Variants in ROR1 observed in about 807,000 individuals in gnomAD.
ROR1 encodes the protein inactive tyrosine-protein kinase transmembrane receptor ROR1.
A neutral mutation model predicts 78.8 loss-of-function variants in ROR1; 19 were observed. That is an observed-to-expected ratio of 0.24 (90% CI 0.17 to 0.35). The LOEUF (loss-of-function observed/expected upper bound fraction) is 0.35. ROR1 is among the 10% of genes least tolerant of loss of function. The pLI is 1.00. For missense variants in ROR1, 917 were observed against 1,177.8 expected (o/e 0.78, Z 3.24); for synonymous variants, 386 against 433.6 (o/e 0.89, Z 1.36).
intron 1 of ROR1, among the ~76,000 whole-genome samples, chr1:63,898,888 T>C (rs997196096): frequency 2.6e-5 from 4 of 152,106 alleles, no homozygotes; most frequent in African/African-American, 9.7e-5. Context: ...TGCAACTTTA[T>C]GATCTGCCCA....
intron 1 of ROR1, among the ~76,000 whole-genome samples, chr1:63,797,360 C>A (rs763494877): frequency 2.0e-4 from 30 of 152,272 alleles, no homozygotes; most frequent in Admixed American, 3.3e-4. Context: ...TTCTGCTGTG[C>A]CCGATTTTGT....
In ROR1 at chr1:63,954,774, AG is replaced by A. The variant is rs1645968139; in HGVS notation, c.92-54529del. On this transcript the variant is annotated intron_variant, in intron 1 of 8. Transcript: ENST00000371079. ...TTAAAGTATATGGGAGCGTGTGCAT[AG>A]GTGATGTCCAAATAGTATGCCATTT... 2.0e-5 allele frequency among the ~76,000 whole-genome samples: 3 copies of A among 152,194 alleles called. 1 individual carries two copies. In the South Asian group the frequency reaches 6.2e-4, roughly 32 times the overall value.
At chr1:63,789,150 C>G (rs973589364) in intron 1 of ROR1, 4 of 587,118 alleles carry the variant, frequency 6.8e-6, no homozygotes, top group Non-Finnish European at 1.3e-5. Flanking sequence ...CATTGGCTTG[C>G]GGATCATCAG....
chr1:63,853,663 A>G (rs1365927090), intron 1 of ROR1, among the ~76,000 whole-genome samples: 1 of 152,224 alleles, frequency 6.6e-6, no homozygotes, highest in Non-Finnish European at 1.5e-5. Flanking sequence ...CTTCAGCAAA[A>G]TAGTCTGTAA....
intron 8 of ROR1, among the ~76,000 whole-genome samples, chr1:64,161,363 A>C (rs1256878147): frequency 6.6e-6 from 1 of 152,212 alleles, no homozygotes; most frequent in Non-Finnish European, 1.5e-5. Context: ...TTCACAGAAC[A>C]GATCAAGTTG....
intron 1 of ROR1, among the ~76,000 whole-genome samples, chr1:63,932,650 A>T (rs575317838): frequency 6.6e-5 from 10 of 152,228 alleles, no homozygotes; most frequent in Non-Finnish European, 1.3e-4. Context: ...TCCTCAAGTG[A>T]TGTTATCATG....
At chr1:63,835,299 G>T (rs72928736) in intron 1 of ROR1, among the ~76,000 whole-genome samples, 2 of 152,108 alleles carry the variant, frequency 1.3e-5, no homozygotes, top group Non-Finnish European at 2.9e-5. Context: ...CTGGTACAGT[G>T]CCAGACACAG....
chr1:63,950,801 G>C (rs1483227706), intron 1 of ROR1, among the ~76,000 whole-genome samples: 2 of 152,122 alleles, frequency 1.3e-5, no homozygotes, highest in East Asian at 3.8e-4. Flanking sequence ...CACTTTTAAG[G>C]GGAATACATG....
chr1:64,135,141 T>A (rs1243232264), intron 4 of ROR1, among the ~76,000 whole-genome samples: 1 of 152,076 alleles, frequency 6.6e-6, no homozygotes, highest in Admixed American at 6.5e-5. Flanking sequence ...CTGAACAGGA[T>A]AGTAGGAATT....
rs1200954200 is a variant in ROR1 at position 64,014,764 on chromosome 1, A to ACGCACAC, written c.163+5388_163+5389insCGCACAC. Reference sequence around the variant, plus strand: ...ACTATATATATATATATATATATATATATATATATACACATTTTGTCCTGG... The same window carrying ACGCACAC: ...ACTATATATATATATATATATATATACGCACACTATATATATACACATTTTGTCCTGG... On this transcript the variant is annotated intron_variant, in intron 2 of 8. Coordinates refer to ENST00000371079, the MANE Select transcript of ROR1 (RefSeq NM_005012.4). 2.8e-4 allele frequency among the ~76,000 whole-genome samples: 20 copies of ACGCACAC among 70,890 alleles called. 3 individuals are homozygous for ACGCACAC. The Admixed American group carries it at 3.3e-3, about 12-fold the overall frequency. 46.5% of individuals were successfully genotyped at this position (70,890 alleles called of 152,430 possible).
chr1:64,002,485 A>G (rs1472124758), intron 1 of ROR1, among the ~76,000 whole-genome samples: 4 of 152,200 alleles, frequency 2.6e-5, no homozygotes, highest in African/African-American at 9.7e-5. Context: ...ATGCATATAT[A>G]ATGAATGAAT....
intron 1 of ROR1, among the ~76,000 whole-genome samples, chr1:63,994,571 T>C (rs1646322529): frequency 6.6e-6 from 1 of 152,110 alleles, no homozygotes; most frequent in Admixed American, 6.6e-5. Flanking sequence ...GGAGAAGGCT[T>C]GTGGGGAAAG....
At chr1:63,915,700 A>G (rs944641911) in intron 1 of ROR1, among the ~76,000 whole-genome samples, 4 of 152,014 alleles carry the variant, frequency 2.6e-5, no homozygotes, top group African/African-American at 9.7e-5. Context: ...TCTCACACAG[A>G]GTAGTACTGC....
chr1:64,085,135 A>G (rs1374412628), intron 4 of ROR1, among the ~76,000 whole-genome samples: 1 of 152,200 alleles, frequency 6.6e-6, no homozygotes, highest in East Asian at 1.9e-4. Flanking sequence ...GTTGGTTTGA[A>G]TTTGGGAGAA....
chr1:64,056,407 G>T lies in ROR1; in HGVS notation c.482+5691G>T, dbSNP rs533058430. Among the ~76,000 whole-genome samples the T allele has an allele frequency of 7.9e-5, 12 of 151,798 alleles. No homozygotes were observed. The South Asian group carries it at 2.1e-3, about 26-fold the overall frequency. ...TTATTATAGCCAGCCGGGCGCAGTG[G>T]TTCATGCCTGTAATTGCAGCACTTT... On this transcript the variant is annotated intron_variant, in intron 4 of 8. Transcript: ENST00000371079.
At chr1:63,853,791 C>T (rs1312559740) in intron 1 of ROR1, among the ~76,000 whole-genome samples, 4 of 152,182 alleles carry the variant, frequency 2.6e-5, no homozygotes, top group Admixed American at 6.5e-5. Context: ...TTAGGAAAAA[C>T]TATTAAACCA....
chr1:64,000,946 T>C (rs994163071), intron 1 of ROR1, among the ~76,000 whole-genome samples: 14 of 152,238 alleles, frequency 9.2e-5, no homozygotes, highest in Admixed American at 9.2e-4. Context: ...CATTTCCCAA[T>C]GTATTTGCTT....
chr1:63,998,959 C>T (rs950294149), intron 1 of ROR1, among the ~76,000 whole-genome samples: 2 of 152,176 alleles, frequency 1.3e-5, no homozygotes, highest in African/African-American at 2.4e-5. Flanking sequence ...ACTTTTGCTT[C>T]TCTCTCATCC....
At chr1:63,830,588 A>G (rs1171362786) in intron 1 of ROR1, among the ~76,000 whole-genome samples, 1 of 151,666 alleles carries the variant, frequency 6.6e-6, no homozygotes, top group Non-Finnish European at 1.5e-5. Context: ...TGATCCAATC[A>G]CCTCCCACCA....
Sources: gnomAD v4.1 joint callset for allele counts (sites outside exome capture counted in the v4.1 genomes callset) on GRCh38, gnomAD v4.1.1 for gene constraint, MANE v1.5 for transcripts, NCBI Gene and HGNC (gene_info 2026-07-23, HGNC 2026-07-21) for gene names.